The following PLD1 variants were observed in gnomAD, a reference collection of about 807,000 sequenced individuals.
The protein encoded by PLD1 is phospholipase D1, also known as choline phosphatase 1.
PLD1 carries 112 observed loss-of-function variants against 137.1 expected under a neutral mutation model. That is an observed-to-expected ratio of 0.82 (90% CI 0.70 to 0.96). The LOEUF is 0.96. Ranked by LOEUF, PLD1 falls within the 40% of genes least tolerant of loss-of-function variation. PLD1 has a pLI of 0.00. For missense variants in PLD1, 1,321 were observed against 1,342.0 expected, an observed-to-expected ratio of 0.98 and a Z score of 0.24; for synonymous variants, 431 against 454.7, an observed-to-expected ratio of 0.95 and a Z score of 0.66.
At chr3:171,681,202 G>T (rs1428231689) in intron 16 of PLD1, among the ~76,000 whole-genome samples, 1 of 152,162 alleles carries the variant, frequency 6.6e-6, no homozygotes, top group Non-Finnish European at 1.5e-5. Context: ...CTGACAAGAG[G>T]TTATTTATTA....
chr3:171,737,482 T>C, intron 3 of PLD1, 50 bp downstream of exon 3: 1 of 1,532,890 alleles, frequency 6.5e-7, no homozygotes, highest in Non-Finnish European at 8.8e-7. Flanking sequence ...TATGTACTAA[T>C]TCACATATAT....
chr3:171,609,236 A>G (rs902189829), intron 25 of PLD1, among the ~76,000 whole-genome samples: 1 of 152,152 alleles, frequency 6.6e-6, no homozygotes, highest in African/African-American at 2.4e-5. Flanking sequence ...GTCAAAAAAC[A>G]ACAGCTGTTG....
intron 1 of PLD1, chr3:171,771,226 T>C (rs1164537919): frequency 6.6e-6 from 1 of 152,122 alleles, no homozygotes; most frequent in South Asian, 2.1e-4. Context: ...TTGCTCCATA[T>C]CACCTTAAAG....
intron 25 of PLD1, among the ~76,000 whole-genome samples, chr3:171,605,628 CA>C (rs1458573586): frequency 6.6e-6 from 1 of 152,062 alleles, no homozygotes; most frequent in Non-Finnish European, 1.5e-5. Context: ...CTAGACATAA[CA>C]AAAAATTCTC....
At chr3:171,718,233 C>A (rs899243252) in intron 8 of PLD1, among the ~76,000 whole-genome samples, 4 of 152,160 alleles carry the variant, frequency 2.6e-5, no homozygotes, top group Admixed American at 6.5e-5. Flanking sequence ...ACACATACAT[C>A]CCCCTCAAGA....
chr3:171,725,915 G>A (rs1022001007), intron 7 of PLD1, 103 bp downstream of exon 7: 2 of 771,930 alleles, frequency 2.6e-6, no homozygotes, highest in African/African-American at 3.4e-5. Flanking sequence ...AGAGAAGCTA[G>A]CAGTAAAGCC....
intron 1 of PLD1, among the ~76,000 whole-genome samples, chr3:171,763,457 GA>G (rs1240822551): frequency 4.1e-3 from 126 of 30,816 alleles, no homozygotes; most frequent in African/African-American, 0.018. Context: ...AAGAGGAGGG[GA>G]GGGGAGGGGA....
At chr3:171,774,997 C>G (rs772127292) in intron 1 of PLD1, among the ~76,000 whole-genome samples, 3 of 152,140 alleles carry the variant, frequency 2.0e-5, no homozygotes, top group Non-Finnish European at 4.4e-5. Flanking sequence ...GCAGCTGCAG[C>G]TGGGGGACAG....
intron 6 of PLD1, among the ~76,000 whole-genome samples, chr3:171,727,857 C>T (rs778605926): frequency 2.6e-5 from 4 of 152,152 alleles, no homozygotes; most frequent in Non-Finnish European, 5.9e-5. Flanking sequence ...CTCAAGGCGT[C>T]CATCCTTGTA....
intron 24 of PLD1, among the ~76,000 whole-genome samples, chr3:171,613,298 A>C (rs1397943141): frequency 1.3e-5 from 2 of 151,794 alleles, no homozygotes; most frequent in African/African-American, 4.9e-5. Flanking sequence ...TATTTTCTAC[A>C]TTGTTCCTTA....
At chr3:171,624,074 C>G (rs1234847908) in intron 23 of PLD1, among the ~76,000 whole-genome samples, 1 of 143,544 alleles carries the variant, frequency 7.0e-6, no homozygotes, top group Non-Finnish European at 1.5e-5. Flanking sequence ...CAAAACACGA[C>G]AAGCAAAAAA....
chr3:171,677,413 A>G (rs1713493864), intron 17 of PLD1, among the ~76,000 whole-genome samples, 153 bp downstream of exon 17: 1 of 152,250 alleles, frequency 6.6e-6, no homozygotes, highest in Admixed American at 6.5e-5. Context: ...AGCACATGCT[A>G]ATGACTAAAT....
At chr3:171,642,625 T>C (rs1735858294) in intron 23 of PLD1, among the ~76,000 whole-genome samples, 1 of 152,038 alleles carries the variant, frequency 6.6e-6, no homozygotes, top group Non-Finnish European at 1.5e-5. Flanking sequence ...ATTACAAAGA[T>C]GCTCGGTTTT....
At chr3:171,720,992 T>TC (rs1012012310) in intron 8 of PLD1, among the ~76,000 whole-genome samples, 3 of 152,162 alleles carry the variant, frequency 2.0e-5, no homozygotes, top group Admixed American at 6.5e-5. Context: ...AAACCATTTT[T>TC]CCCCTTTAAA....
Position 171,644,013 on chromosome 3 carries a change from C to T in PLD1, c.2543+897G>A, listed in dbSNP as rs550530425. Among the ~76,000 whole-genome samples, 781 of 152,074 alleles carry T rather than the reference C, an allele frequency of 5.1e-3. 1 individual carries two copies. The highest frequency in any genetic ancestry group is 8.1e-3 in the Non-Finnish European group (551 of 67,994). The stretch of plus-strand genomic sequence containing the variant: ...CAGATCCTCCAGCAGGAGCATCTGG[C>T]GAGGGGGCCCAAGCAGGAGGGCATC... On this transcript the variant is annotated intron_variant, in intron 22 of 26. Transcript: ENST00000351298.
intron 1 of PLD1, among the ~76,000 whole-genome samples, chr3:171,742,140 A>C (rs958238990): frequency 1.3e-5 from 2 of 152,186 alleles, no homozygotes; most frequent in African/African-American, 4.8e-5. Flanking sequence ...CTGACCTCAA[A>C]GCCCAGCTAC....
At chr3:171,604,548 A>G (rs1412776919) in intron 26 of PLD1, among the ~76,000 whole-genome samples, 4 of 152,130 alleles carry the variant, frequency 2.6e-5, no homozygotes, top group Non-Finnish European at 4.4e-5. Context: ...GCTAGAACAC[A>G]GCTTGAATAG....
rs193185589 is a variant in PLD1 at position 171,783,948 on chromosome 3, A to G, written c.-32+26451T>C. 8.5e-4 allele frequency among the ~76,000 whole-genome samples: 129 copies of G among 152,156 alleles called. 1 individual carries two copies. The highest frequency in any genetic ancestry group is 1.5e-3 in the Non-Finnish European group (99 of 68,006). ...AGGTGTGAGCCACTGCGCCCAGCCC[A>G]CCCTCTTAACTGTAACACTCTCCAG... On this transcript the variant is annotated intron_variant, in intron 1 of 26. Coordinates refer to ENST00000351298, the MANE Select transcript of PLD1 (RefSeq NM_002662.5).
intron 1 of PLD1, among the ~76,000 whole-genome samples, chr3:171,768,050 C>T (rs1722098338): frequency 6.6e-6 from 1 of 151,806 alleles, no homozygotes; most frequent in African/African-American, 2.4e-5. Flanking sequence ...CACTATTCTA[C>T]CACTTCTGCT....
Sources: gnomAD v4.1 joint callset for allele counts (sites outside exome capture counted in the v4.1 genomes callset) on GRCh38, gnomAD v4.1.1 for gene constraint, MANE v1.5 for transcripts, NCBI Gene and HGNC (gene_info 2026-07-23, HGNC 2026-07-21) for gene names.